ZFP30: variants seen among roughly 807,000 people sequenced by gnomAD.
ZFP30 encodes zinc finger protein 30 homolog.
Under a neutral mutation model 12.3 loss-of-function variants are expected in ZFP30, and 16 were observed. The ratio of observed to expected loss-of-function variants is 1.30; its 90% confidence interval spans 0.88 to 1.98. The LOEUF (loss-of-function observed/expected upper bound fraction) is 1.98. Ranked by LOEUF, ZFP30 falls within the 30% of genes most tolerant of loss-of-function variation. The pLI is 0.00. For synonymous variants in ZFP30, 172 were observed against 201.0 expected, an observed-to-expected ratio of 0.86 and a Z score of 1.22; for missense variants, 560 against 611.2, an observed-to-expected ratio of 0.92 and a Z score of 0.88.
At chr19:37,655,207 A>G (rs2044730328) in intron 1 of ZFP30, 1 of 152,180 alleles carries the variant, frequency 6.6e-6, no homozygotes, top group Non-Finnish European at 1.5e-5. Flanking sequence ...GGCCGCACCC[A>G]CGAACCTGGT....
chr19:37,635,780 C>CT lies in ZFP30; in HGVS notation c.760dup (p.Arg254LysfsTer5). 6.2e-7 allele frequency: 1 copy of CT among 1,614,116 alleles called. No individual in the cohort carries two copies. Among genetic ancestry groups the CT allele is most frequent in the East Asian group, 2.2e-5 (1 of 44,870 alleles). On this transcript the variant is annotated frameshift_variant, in exon 6 of 6. Transcript: ENST00000684514. LOFTEE classifies it low-confidence loss of function (END_TRUNC). Reference sequence around the variant, plus strand: ...CCTTTGATGGAGATTAAGTTGTCCTCTAACTCTAAAGGCTTTCCCACATTC... The same window carrying CT: ...CCTTTGATGGAGATTAAGTTGTCCTCTTAACTCTAAAGGCTTTCCCACATTC...
chr19:37,655,816 A>C (rs1164047933), upstream of ZFP30: 1 of 150,900 alleles, frequency 6.6e-6, no homozygotes, highest in East Asian at 2.0e-4. Flanking sequence ...GCGACGCCTC[A>C]CCGGAACCTT....
At chr19:37,640,647 C>G (rs956531780) in intron 5 of ZFP30, among the ~76,000 whole-genome samples, 4 of 151,322 alleles carry the variant, frequency 2.6e-5, no homozygotes, top group African/African-American at 7.3e-5. Context: ...AGCACTCTGG[C>G]AGGCCGAGGC....
At chr19:37,647,986 T>C (rs2290999) in intron 2 of ZFP30, 87 bp from the exon 3 acceptor site, 140,011 of 679,994 alleles carry the variant, frequency 0.21, 15,277 homozygotes, top group Middle Eastern at 0.32. Context: ...TCCATTCCTA[T>C]ATGCAACTCC....
chr19:37,645,980 T>C (rs1173352815), intron 3 of ZFP30, among the ~76,000 whole-genome samples: 5 of 152,142 alleles, frequency 3.3e-5, no homozygotes, highest in African/African-American at 9.7e-5. Flanking sequence ...TTTCCTCAAT[T>C]TCAGTTACCC....
rs1568378245 is a variant in ZFP30 at position 37,635,331 on chromosome 19, GA to G, written c.1209del (p.His404ThrfsTer78). On this transcript the variant is annotated frameshift_variant, in exon 6 of 6. Transcript: ENST00000684514. LOFTEE classifies it low-confidence loss of function (END_TRUNC). ...RYSELISHQGIHIGEKPYECK... is the reference protein window; with the variant it reads ...RYSELISHQGXHIGEKPYECK... ...CATTCATAAGGTTTCTCTCCAATGT[GA>G]ATACCCTGATGTGAAATAAGTTCTG... The G allele has an allele frequency of 6.2e-7, 1 of 1,613,992 alleles. No homozygotes were observed. The highest frequency in any genetic ancestry group is 8.5e-7 in the Non-Finnish European group (1 of 1,179,960).
chr19:37,638,965 C>T (rs1480651171), intron 5 of ZFP30, among the ~76,000 whole-genome samples: 1 of 151,654 alleles, frequency 6.6e-6, no homozygotes, highest in Non-Finnish European at 1.5e-5. Flanking sequence ...ATTTATATTT[C>T]AATAAGTTTA....
chr19:37,631,299 C>A lies in ZFP30; in HGVS notation c.*3682G>T, dbSNP rs2044228374. The A allele has an allele frequency of 1.3e-5, 2 of 152,112 alleles. No individual in the cohort carries two copies. The allele number at this position is 152,112 out of a possible 1,614,324, so 9.4% of individuals were successfully genotyped here. Reference sequence around the variant, plus strand: ...ATTAAGTTAAATAAAATCAATTAAACTCTCATTACTTCATTATTTGGAGAA... The same window carrying A: ...ATTAAGTTAAATAAAATCAATTAAAATCTCATTACTTCATTATTTGGAGAA... On this transcript the variant is annotated 3_prime_UTR_variant, in exon 6 of 6. Transcript: ENST00000684514.
At chr19:37,639,760 G>T (rs973406910) in intron 5 of ZFP30, among the ~76,000 whole-genome samples, 2 of 150,880 alleles carry the variant, frequency 1.3e-5, no homozygotes, top group African/African-American at 4.9e-5. Flanking sequence ...AATTAGAATA[G>T]GTTGTAAAAT....
chr19:37,634,996 AATTCGCTG>A lies in ZFP30; in HGVS notation c.1537_1544del (p.Gln513SerfsTer2). ...CTAATAATTATTAAGTTACATTATG[AATTCGCTG>A]ATGGTAAGTAAGATGTGAATGTTGT... On this transcript the variant is annotated frameshift_variant, in exon 6 of 6. Transcript: ENST00000684514. LOFTEE classifies it high-confidence loss of function. The A allele has an allele frequency of 9.7e-6, 15 of 1,548,874 alleles. No homozygotes were observed. Among genetic ancestry groups the A allele is most frequent in the Non-Finnish European group, 1.3e-5 (15 of 1,150,782 alleles).
At chr19:37,655,636 A>T (rs532206224), upstream of ZFP30, 1 of 152,468 alleles carries the variant, frequency 6.6e-6, no homozygotes, top group South Asian at 2.1e-4. Flanking sequence ...TCAGGCCTCT[A>T]CCTGTAATGG....
intron 3 of ZFP30, among the ~76,000 whole-genome samples, chr19:37,646,230 C>A (rs1352307941): frequency 6.6e-6 from 1 of 152,176 alleles, no homozygotes; most frequent in Non-Finnish European, 1.5e-5. Flanking sequence ...GAGGCATCCA[C>A]TGGGGGTCTT....
chr19:37,634,765 TTC>T lies in ZFP30; in HGVS notation c.*214_*215del, dbSNP rs1028311404. 4.2e-6 allele frequency: 2 copies of T among 475,606 alleles called. No homozygotes were observed. The highest frequency in any genetic ancestry group is 4.0e-5 in the African/African-American group (2 of 49,778). 29.5% of individuals were successfully genotyped at this position (475,606 alleles called of 1,614,324 possible). ...TTCCACATTCAGTCCTGTAATAAAG[TTC>T]TTTTCTAGGATGAATTTCCTAAAGT... On this transcript the variant is annotated 3_prime_UTR_variant, in exon 6 of 6. Coordinates refer to ENST00000684514, the MANE Select transcript of ZFP30 (RefSeq NM_001320669.3).
intron 2 of ZFP30, among the ~76,000 whole-genome samples, chr19:37,652,600 C>T (rs910725245): frequency 6.6e-6 from 1 of 151,976 alleles, no homozygotes; most frequent in Admixed American, 6.6e-5. Flanking sequence ...AAACCACACA[C>T]AAAACCACAC....
chr19:37,647,737 C>T, intron 3 of ZFP30, 77 bp downstream of exon 3: 1 of 1,575,436 alleles, frequency 6.3e-7, no homozygotes, highest in Non-Finnish European at 8.7e-7. Flanking sequence ...TAGAAAGTTG[C>T]AGAATAACAA....
At chr19:37,648,192 G>A (rs2044579961) in intron 2 of ZFP30, among the ~76,000 whole-genome samples, 1 of 152,188 alleles carries the variant, frequency 6.6e-6, no homozygotes, top group Non-Finnish European at 1.5e-5. Context: ...AAGGCGGGCT[G>A]GTTTGGACCA....
chr19:37,650,161 T>C (rs982328686), intron 2 of ZFP30, among the ~76,000 whole-genome samples: 2 of 151,808 alleles, frequency 1.3e-5, no homozygotes, highest in East Asian at 3.9e-4. Context: ...GCTCTGTCGC[T>C]CAGGCTAAAG....
chr19:37,643,198 T>C, intron 5 of ZFP30, 67 bp downstream of exon 5: 1 of 1,256,512 alleles, frequency 8.0e-7, no homozygotes, highest in South Asian at 1.4e-5. Flanking sequence ...CTAAGGGGTG[T>C]GTCTCCTCCT....
rs746056968 is a variant in ZFP30, at chr19:37,635,676, G to C, written c.865C>G (p.Gln289Glu). 21 of 1,614,026 alleles carry C rather than the reference G, an allele frequency of 1.3e-5. No individual in the cohort carries two copies. The highest frequency in any genetic ancestry group is 1.8e-5 in the Non-Finnish European group (21 of 1,180,048). The change falls in exon 6 of 6, where the codon CAG (glutamine) becomes GAG (glutamate). Residue 289 changes from glutamine to glutamate, a missense_variant. By Grantham distance (29) the Gln-to-Glu change is conservative (BLOSUM62 2). Coordinates refer to ENST00000684514, the MANE Select transcript of ZFP30 (RefSeq NM_001320669.3). ...CACTTCTCAGCAATGTTCAGTCTCT[G>C]ATGTCGAGTAAGGTGTGCATACTGC... Reference protein sequence around the residue: ...FRQYAHLTRHQRLNIAEKCYE... With the variant: ...FRQYAHLTRHERLNIAEKCYE...
Sources: gnomAD v4.1 joint callset for allele counts (sites outside exome capture counted in the v4.1 genomes callset) on GRCh38, gnomAD v4.1.1 for gene constraint, MANE v1.5 for transcripts, NCBI Gene and HGNC (gene_info 2026-07-23, HGNC 2026-07-21) for gene names.